Variants in CD247 observed in about 807,000 individuals in gnomAD.
CD247 encodes T-cell surface glycoprotein CD3 zeta chain.
CD247 carries 13 observed loss-of-function variants against 30.0 expected under a neutral mutation model. The ratio of observed to expected loss-of-function variants is 0.43; its 90% CI spans 0.28 to 0.69. The LOEUF (loss-of-function observed/expected upper bound fraction) is 0.69. Ranked by LOEUF, CD247 falls within the 30% of genes least tolerant of loss-of-function variation. The pLI is 0.16. For synonymous variants in CD247, 72 were observed against 80.0 expected, an observed-to-expected ratio of 0.90 and a Z score of 0.53; for missense variants, 193 against 212.6, an observed-to-expected ratio of 0.91 and a Z score of 0.57.
intron 1 of CD247, among the ~76,000 whole-genome samples, chr1:167,493,953 T>C (rs182713916): frequency 6.6e-6 from 1 of 152,196 alleles, no homozygotes; most frequent in Non-Finnish European, 1.5e-5. Flanking sequence ...AAATACCCTA[T>C]ATGCTCTCAC....
At position 167,438,525 on chromosome 1, in the gene CD247, C is replaced by T. The variant is rs767420002; in HGVS notation, c.300+45G>A. 5.4e-6 allele frequency: 8 copies of T among 1,481,444 alleles called. No individual in the cohort carries two copies. The Admixed American group carries it at 1.0e-4, about 19-fold the overall frequency. 91.8% of individuals were successfully genotyped at this position (1,481,444 alleles called of 1,614,324 possible). On this transcript the variant is annotated intron_variant, in intron 4 of 7. Coordinates refer to ENST00000362089, the MANE Select transcript of CD247 (RefSeq NM_198053.3). Reference sequence around the variant, plus strand: ...CCTCCCCCACAGCCTGGGCTGAGCCCCACCACACATGCAGGAACACACAGG... The same window carrying T: ...CCTCCCCCACAGCCTGGGCTGAGCCTCACCACACATGCAGGAACACACAGG...
intron 1 of CD247, among the ~76,000 whole-genome samples, chr1:167,481,354 T>C (rs955852783): frequency 2.6e-5 from 4 of 152,190 alleles, no homozygotes; most frequent in African/African-American, 9.7e-5. Flanking sequence ...ATACTAAAAC[T>C]TGGAAATAGC....
chr1:167,431,727 T>C lies in CD247; in HGVS notation c.449A>G (p.Lys150Arg). The C allele has an allele frequency of 1.2e-6, 2 of 1,613,968 alleles. No individual in the cohort carries two copies. The highest frequency in any genetic ancestry group is 8.5e-7 in the Non-Finnish European group (1 of 1,179,934). ...CATGTGAAGGGCGTCGTAGGTGTCC[T>C]TGGTGGCTGTACTGAGACCCTGGCG... ...GLYQGLSTATKDTYDALHMQA... is the reference protein window; with the variant it reads ...GLYQGLSTATRDTYDALHMQA... Residue 150 changes from lysine (K) to arginine (R), a missense_variant, in exon 8 of 8, where the codon AAG becomes AGG. Coordinates refer to ENST00000362089, the MANE Select transcript of CD247 (RefSeq NM_198053.3).
At chr1:167,486,459 A>C (rs1654212435) in intron 1 of CD247, among the ~76,000 whole-genome samples, 1 of 152,230 alleles carries the variant, frequency 6.6e-6, no homozygotes, top group Non-Finnish European at 1.5e-5. Flanking sequence ...ATACTTTGTA[A>C]ACTGAAAAAA....
intron 1 of CD247, among the ~76,000 whole-genome samples, chr1:167,517,095 A>C (rs1304119543): frequency 6.6e-6 from 1 of 152,200 alleles, no homozygotes; most frequent in Admixed American, 6.5e-5. Flanking sequence ...GCACACAAGG[A>C]TGGGCTGCTC....
At chr1:167,489,192 C>T (rs971837287) in intron 1 of CD247, among the ~76,000 whole-genome samples, 1 of 152,134 alleles carries the variant, frequency 6.6e-6, no homozygotes, top group African/African-American at 2.4e-5. Context: ...AAGGATCCAA[C>T]CCCCCTTCCC....
chr1:167,464,936 CA>C (rs995596998), intron 1 of CD247, among the ~76,000 whole-genome samples: 17 of 151,598 alleles, frequency 1.1e-4, no homozygotes, highest in East Asian at 7.7e-4. Flanking sequence ...CAAATAACAA[CA>C]AAAAAAAACT....
At chr1:167,459,348 C>T (rs1186468856) in intron 1 of CD247, among the ~76,000 whole-genome samples, 22 of 80,398 alleles carry the variant, frequency 2.7e-4, no homozygotes, top group South Asian at 4.8e-4. Flanking sequence ...CCTTACAACT[C>T]TTTTTTTTTT....
intron 1 of CD247, among the ~76,000 whole-genome samples, chr1:167,463,509 A>T (rs1003801665): frequency 1.3e-5 from 2 of 152,220 alleles, no homozygotes; most frequent in African/African-American, 4.8e-5. Flanking sequence ...AAAAAATAAA[A>T]GATGGTTTCA....
chr1:167,433,175 A>G (rs781007114), intron 6 of CD247, 116 bp from the exon 7 acceptor site: 1 of 995,422 alleles, frequency 1.0e-6, no homozygotes, highest in South Asian at 1.3e-5. Context: ...ACTGTCTCCC[A>G]GCAGCACCCC....
intron 1 of CD247, among the ~76,000 whole-genome samples, chr1:167,465,674 A>G (rs1653216740): frequency 6.6e-6 from 1 of 152,134 alleles, no homozygotes; most frequent in African/African-American, 2.4e-5. Context: ...AGTTTCTTGT[A>G]GCTCAGCAAC....
chr1:167,462,937 C>T (rs1332864411), intron 1 of CD247, among the ~76,000 whole-genome samples: 1 of 152,216 alleles, frequency 6.6e-6, no homozygotes, highest in Non-Finnish European at 1.5e-5. Context: ...TCTGTGCTTG[C>T]TCTTCCATCT....
intron 1 of CD247, among the ~76,000 whole-genome samples, chr1:167,462,289 C>T (rs1306776452): frequency 6.6e-6 from 1 of 152,200 alleles, no homozygotes; most frequent in African/African-American, 2.4e-5. Flanking sequence ...CCCTGAAGCC[C>T]CTCCCAAAAT....
At chr1:167,493,997 C>T (rs1654568832) in intron 1 of CD247, among the ~76,000 whole-genome samples, 1 of 152,216 alleles carries the variant, frequency 6.6e-6, no homozygotes, top group Admixed American at 6.5e-5. Flanking sequence ...CAGGTGCAGC[C>T]TCCGGGACCC....
intron 1 of CD247, among the ~76,000 whole-genome samples, chr1:167,456,883 A>G (rs184456746): frequency 2.0e-5 from 3 of 152,190 alleles, no homozygotes; most frequent in East Asian, 1.9e-4. Flanking sequence ...TCATTCCTCA[A>G]ACTTTGTCAT....
In CD247 at chr1:167,440,551, A is replaced by C. The variant is rs563936405; in HGVS notation, c.162+113T>G. On this transcript the variant is annotated intron_variant, in intron 2 of 7. Transcript: ENST00000362089. ...TGGCTGGTCCTTGCTTTGCTCCTGG[A>C]TACCAAGCCCCAGGCACCACCCGAG... 4.7e-4 allele frequency: 343 copies of C among 731,742 alleles called. 3 individuals carry two copies. In the African/African-American group the frequency reaches 5.1e-3, roughly 11 times the overall value. 45.3% of individuals were successfully genotyped at this position (731,742 alleles called of 1,614,324 possible). A position where few individuals can be genotyped will look rare whatever the true frequency, so the allele number is the denominator to read the frequency against.
chr1:167,440,607 G>T, intron 2 of CD247, 57 bp downstream of exon 2: 1 of 1,168,250 alleles, frequency 8.6e-7, no homozygotes, highest in Non-Finnish European at 1.3e-6. Flanking sequence ...AGGCCCCTCT[G>T]AACATCCATC....
intron 1 of CD247, among the ~76,000 whole-genome samples, chr1:167,511,741 C>T (rs532150933): frequency 2.0e-5 from 3 of 152,026 alleles, no homozygotes; most frequent in African/African-American, 7.2e-5. Context: ...CGGACCTGGG[C>T]GAGCGGCTGC....
chr1:167,433,187 G>T, intron 6 of CD247, 128 bp from the exon 7 acceptor site: 1 of 886,108 alleles, frequency 1.1e-6, no homozygotes, highest in Non-Finnish European at 1.9e-6. Context: ...CAGCACCCCT[G>T]CCCCTGGGAG....
Sources: allele counts gnomAD v4.1 joint callset (sites outside exome capture counted in the v4.1 genomes callset), GRCh38; gene constraint gnomAD v4.1.1; transcripts MANE v1.5; gene names NCBI Gene and HGNC (gene_info 2026-07-23, HGNC 2026-07-21).